THAP8: variants seen among roughly 807,000 people sequenced by gnomAD.
THAP8 encodes the protein THAP domain-containing protein 8.
A neutral mutation model predicts 25.0 loss-of-function variants in THAP8; 24 were observed. That is an observed-to-expected ratio of 0.96 (90% CI 0.69 to 1.35). THAP8 has a LOEUF of 1.35. Among genes scored for constraint, THAP8 ranks in the 40% most tolerant of loss-of-function variants. THAP8 has a pLI of 0.00. For synonymous variants in THAP8, 169 were observed against 157.6 expected (o/e 1.07, Z -0.54); for missense variants, 399 against 368.8 (o/e 1.08, Z -0.67).
In THAP8 at chr19:36,046,508, G is replaced by A. The variant is rs536827865; in HGVS notation, c.84-6372C>T. Reference sequence around the variant, plus strand: ...TCAGACAAAGGAAGATGGAGGTGGAGGGGGCAGGTAGCTGGTGAAAGAGCA... The same window carrying A: ...TCAGACAAAGGAAGATGGAGGTGGAAGGGGCAGGTAGCTGGTGAAAGAGCA... On this transcript the variant is annotated intron_variant, in intron 1 of 3. Coordinates refer to ENST00000292894, the MANE Select transcript of THAP8 (RefSeq NM_152658.3). Among the ~76,000 whole-genome samples, 6 of 152,240 alleles carry A rather than the reference G, an allele frequency of 3.9e-5. No homozygotes were observed. The East Asian group carries it at 7.7e-4, about 20-fold the overall frequency.
At chr19:36,043,921 A>G (rs999668330) in intron 1 of THAP8, among the ~76,000 whole-genome samples, 1 of 151,968 alleles carries the variant, frequency 6.6e-6, no homozygotes, top group Non-Finnish European at 1.5e-5. Context: ...AGTTTTAAAA[A>G]ATAAAAGCTT....
upstream of THAP8, chr19:36,054,405 C>G (rs1970224019): frequency 1.5e-6 from 1 of 658,074 alleles, no homozygotes; most frequent in Non-Finnish European, 2.6e-6. Flanking sequence ...TGCCACAGTC[C>G]CGCCCTCGTC....
chr19:36,040,627 TTTC>T (rs1969658538), intron 1 of THAP8, among the ~76,000 whole-genome samples: 2 of 151,930 alleles, frequency 1.3e-5, no homozygotes, highest in African/African-American at 4.8e-5. Flanking sequence ...AAGCCTGGCA[TTTC>T]TTCTTATTAT....
chr19:36,053,552 CAAAAAAAAA>C (rs766799036), intron 1 of THAP8, among the ~76,000 whole-genome samples: 2 of 58,934 alleles, frequency 3.4e-5, no homozygotes, highest in Non-Finnish European at 6.8e-5. Flanking sequence ...GATCTTGTCT[CAAAAAAAAA>C]AAAAAAAAAA....
At chr19:36,046,081 G>A in intron 1 of THAP8, 1 of 362,130 alleles carries the variant, frequency 2.8e-6, no homozygotes, top group South Asian at 2.1e-5. Context: ...ATCTTGAACT[G>A]TAATCCCCAT....
chr19:36,051,280 G>T (rs1485036007), intron 1 of THAP8, among the ~76,000 whole-genome samples: 1 of 152,152 alleles, frequency 6.6e-6, no homozygotes, highest in Non-Finnish European at 1.5e-5. Context: ...TGGTGTGAAG[G>T]GCAGGAGGAA....
At position 36,039,444 on chromosome 19, in the gene THAP8, A is replaced by G. The variant is rs1413984858; in HGVS notation, c.551T>C (p.Val184Ala). The G allele has an allele frequency of 1.3e-6, 2 of 1,593,394 alleles. No homozygotes were observed. Among genetic ancestry groups the G allele is most frequent in the Non-Finnish European group, 8.5e-7 (1 of 1,169,762 alleles). ...GPVLGALQRR[V>A]RRLQRCQERH... is the part of the protein sequence containing the mutation. The stretch of plus-strand genomic sequence containing the variant: ...CTCCTGGCACCGTTGCAGCCTCCGC[A>G]CCCGGCGTTGCAGTGCTCCCAGCAC... The change falls in exon 3 of 4, where the codon GTG (valine) becomes GCG (alanine). Residue 184 changes from valine to alanine, a missense_variant. By Grantham distance (64) the Val-to-Ala change is moderately conservative. Transcript: ENST00000292894.
Position 36,054,133 on chromosome 19 carries a change from A to T in THAP8, c.83+2T>A. ...TCAAGCCCCGCCCCGCGCTGCGCTC[A>T]CTTGTAGAAGCTCACAGGGCGGTTG... On this transcript the variant is annotated splice_donor_variant, in intron 1 of 3. Transcript: ENST00000292894. LOFTEE classifies it high-confidence loss of function. The T allele has an allele frequency of 6.2e-7, 1 of 1,612,680 alleles. No individual in the cohort carries two copies. Among genetic ancestry groups the T allele is most frequent in the Non-Finnish European group, 8.5e-7 (1 of 1,179,636 alleles).
intron 3 of THAP8, among the ~76,000 whole-genome samples, chr19:36,037,417 T>C (rs1299704233): frequency 2.0e-5 from 3 of 151,040 alleles, no homozygotes; most frequent in African/African-American, 4.9e-5. Flanking sequence ...GGGATTCAGA[T>C]AGGGCCTGGG....
chr19:36,039,362 C>T lies in THAP8; in HGVS notation c.633G>A (p.Glu211=), dbSNP rs1969595483. 6.5e-7 allele frequency: 1 copy of T among 1,534,384 alleles called. No individual in the cohort carries two copies. Among genetic ancestry groups the T allele is most frequent in the Non-Finnish European group, 8.7e-7 (1 of 1,145,340 alleles). Reference sequence around the variant, plus strand: ...CCCGGCGTGCCCGTGCCAGCAGGCTCTCCCCGTGTAGCTGCTGTGCCAGCC... The same window carrying T: ...CCCGGCGTGCCCGTGCCAGCAGGCTTTCCCCGTGTAGCTGCTGTGCCAGCC... ...LERLAQQLHG[E]SLLARARRGL... is the part of the protein sequence containing the mutation. Residue 211 remains glutamate, a synonymous_variant, in exon 3 of 4, where the codon GAG becomes GAA. Transcript: ENST00000292894.
At chr19:36,054,626 C>T (rs1412505076), upstream of THAP8, 4 of 542,314 alleles carry the variant, frequency 7.4e-6, no homozygotes, top group Admixed American at 9.5e-5. Context: ...CTCTAGGTGG[C>T]GGCAAAAACC....
rs1426793340 is a variant in THAP8 at position 36,039,501 on chromosome 19, G to C, written c.494C>G (p.Pro165Arg). The C allele has an allele frequency of 8.2e-6, 13 of 1,582,432 alleles. No individual in the cohort carries two copies. The Admixed American group carries it at 9.0e-5, about 11-fold the overall frequency. ...CAGCCCGGTCTGGGCCTGTTGGGCA[G>C]GGACTTCAGGTTGTGACCGCTCAGG... The part of the protein sequence containing the change: ...PTPERSQPEV[P>R]AQQAQTGLGP... The change falls in exon 3 of 4, where the codon CCT becomes CGT. Residue 165 changes from proline (P) to arginine (R), a missense_variant. Transcript: ENST00000292894.
chr19:36,045,830 T>C, intron 1 of THAP8: 1 of 456,522 alleles, frequency 2.2e-6, no homozygotes, highest in South Asian at 1.5e-5. Flanking sequence ...CCCCAGAACC[T>C]CCAGAGGAGT....
chr19:36,037,343 TACACAC>T (rs58349186), intron 3 of THAP8, among the ~76,000 whole-genome samples: 14,532 of 114,612 alleles, frequency 0.13, 905 homozygotes, highest in Middle Eastern at 0.27. Context: ...ATTCCTCCCC[TACACAC>T]ACACACACAC....
In THAP8 at chr19:36,039,342, C is replaced by T. The variant is rs757988630; in HGVS notation, c.653G>A (p.Arg218His). ...LHGESLLARA[R>H]RGLQRLTTAQ... ...ACTCACCAGGCGCTGCAGACCCCGG[C>T]GTGCCCGTGCCAGCAGGCTCTCCCC... Residue 218 changes from arginine (R) to histidine (H), a missense_variant, in exon 3 of 4, where the codon CGC becomes CAC. Arg to His is a conservative substitution (Grantham distance 29, BLOSUM62 0). Coordinates refer to ENST00000292894, the MANE Select transcript of THAP8 (RefSeq NM_152658.3). The T allele has an allele frequency of 2.8e-5, 43 of 1,520,376 alleles. No homozygotes were observed. In the Middle Eastern group the frequency reaches 2.0e-3, roughly 72 times the overall value. The allele number at this position is 1,520,376 out of a possible 1,614,324, so 94.2% of individuals were successfully genotyped here.
rs113554294 is a variant in THAP8, at chr19:36,039,534, G to A, written c.461C>T (p.Ala154Val). 78 of 1,547,698 alleles carry A rather than the reference G, an allele frequency of 5.0e-5. No homozygotes were observed. Among genetic ancestry groups the A allele is most frequent in the Middle Eastern group, 1.7e-4 (1 of 5,878 alleles). ...ATMLLTPLAP[A>V]PTPERSQPEV... ...AGGTTGTGACCGCTCAGGAGTTGGC[G>A]CAGGGGCCAGGGGGGTCAGGAGCAT... The change falls in exon 3 of 4, where the codon GCG (alanine) becomes GTG (valine). Residue 154 changes from alanine (A) to valine (V), a missense_variant. By Grantham distance (64) the Ala-to-Val change is moderately conservative. Coordinates refer to ENST00000292894, the MANE Select transcript of THAP8 (RefSeq NM_152658.3).
rs571074528 is a variant in THAP8, at chr19:36,046,422, A to G, written c.84-6286T>C. On this transcript the variant is annotated intron_variant, in intron 1 of 3. Transcript: ENST00000292894. Reference sequence around the variant, plus strand: ...ATAGGAAGGACACACAAGAAACTAAAGAGGCTACCAGTGGGGAGGAGGTGG... The same window carrying G: ...ATAGGAAGGACACACAAGAAACTAAGGAGGCTACCAGTGGGGAGGAGGTGG... Among the ~76,000 whole-genome samples the G allele has an allele frequency of 4.1e-4, 62 of 152,366 alleles. 1 individual carries two copies. Among genetic ancestry groups the G allele is most frequent in the Middle Eastern group, 3.4e-3 (1 of 294 alleles).
Position 36,051,157 on chromosome 19 carries a change from G to A in THAP8, c.83+2978C>T, listed in dbSNP as rs542469204. Among the ~76,000 whole-genome samples the A allele has an allele frequency of 1.3e-4, 20 of 152,256 alleles. No homozygotes were observed. The South Asian group carries it at 3.5e-3, about 27-fold the overall frequency. On this transcript the variant is annotated intron_variant, in intron 1 of 3. Coordinates refer to ENST00000292894, the MANE Select transcript of THAP8 (RefSeq NM_152658.3). ...GGGTGTCAGTTACAGTTTTCCATAG[G>A]GTGGTAGTCATAAAGGCAAGAACTT...
Position 36,054,264 on chromosome 19 carries a change from T to C in THAP8, c.-47A>G, listed in dbSNP as rs374162020. ...TTTTGCCGGGTCAGCGGCTGCACTTTGGTTCTCGCGGAGCGCCGCCTAACC... is the reference window on the plus strand; with the variant it reads ...TTTTGCCGGGTCAGCGGCTGCACTTCGGTTCTCGCGGAGCGCCGCCTAACC... On this transcript the variant is annotated 5_prime_UTR_variant, in exon 1 of 4. Coordinates refer to ENST00000292894, the MANE Select transcript of THAP8 (RefSeq NM_152658.3). The C allele has an allele frequency of 6.3e-7, 1 of 1,588,928 alleles. No homozygotes were observed. The highest frequency in any genetic ancestry group is 1.3e-5 in the African/African-American group (1 of 74,364).
Sources: allele counts gnomAD v4.1 joint callset (sites outside exome capture counted in the v4.1 genomes callset), GRCh38; gene constraint gnomAD v4.1.1; transcripts MANE v1.5; gene names NCBI Gene and HGNC (gene_info 2026-07-23, HGNC 2026-07-21).